PLCB4: variants seen among roughly 807,000 people sequenced by gnomAD.
PLCB4 encodes phospholipase C beta 4, also known as 1-phosphatidylinositol 4,5-bisphosphate phosphodiesterase beta-4.
In PLCB4, 77 loss-of-function variants were observed where a neutral mutation model predicts 178.8. That is an observed-to-expected ratio of 0.43 (90% CI 0.36 to 0.52). The LOEUF (loss-of-function observed/expected upper bound fraction) is 0.52. PLCB4 is among the 20% of genes least tolerant of loss of function. PLCB4 has a pLI of 0.00. For synonymous variants in PLCB4, 496 were observed against 490.8 expected (o/e 1.01, Z -0.14); for missense variants, 1,024 against 1,453.4 (o/e 0.70, Z 4.80).
intron 4 of PLCB4, among the ~76,000 whole-genome samples, chr20:9,328,526 GTGA>G (rs913478252): frequency 9.2e-5 from 14 of 152,322 alleles, no homozygotes; most frequent in African/African-American, 3.1e-4. Flanking sequence ...CTGATCCTTT[GTGA>G]TGATTGCTGG....
At chr20:9,372,230 A>G in intron 10 of PLCB4, 73 bp from the exon 11 acceptor site, 1 of 838,318 alleles carries the variant, frequency 1.2e-6, no homozygotes, top group Non-Finnish European at 2.0e-6. Context: ...ACTGTGCTTC[A>G]TGACCCTGTA....
chr20:9,373,260 G>A (rs2036399179), intron 12 of PLCB4, among the ~76,000 whole-genome samples, 156 bp downstream of exon 12: 1 of 152,186 alleles, frequency 6.6e-6, no homozygotes. Context: ...AAAATCAGCT[G>A]CCGCCCTGTG....
intron 21 of PLCB4, among the ~76,000 whole-genome samples, chr20:9,407,686 T>A (rs2039549022): frequency 6.6e-6 from 1 of 152,230 alleles, no homozygotes; most frequent in Admixed American, 6.5e-5. Flanking sequence ...TCTAAAAATG[T>A]CCTACAAATG....
chr20:9,106,396 G>A (rs2091363915), intron 2 of PLCB4, among the ~76,000 whole-genome samples: 2 of 151,736 alleles, frequency 1.3e-5, no homozygotes, highest in South Asian at 4.2e-4. Flanking sequence ...GGCAAACAGT[G>A]TAGTTTTTTT....
intron 3 of PLCB4, among the ~76,000 whole-genome samples, chr20:9,300,517 C>T (rs62194813): frequency 0.015 from 2,255 of 152,152 alleles, 19 homozygotes; most frequent in Non-Finnish European, 0.025. Context: ...TGTTTGGCTT[C>T]GGGGGAGCTG....
chr20:9,435,521 C>A, intron 28 of PLCB4, 39 bp from the exon 29 acceptor site: 2 of 1,132,826 alleles, frequency 1.8e-6, no homozygotes, highest in Non-Finnish European at 2.7e-6. Context: ...TTCAGTAAAA[C>A]AGAGAATTAA....
At chr20:9,113,889 T>TA (rs2091681627) in intron 2 of PLCB4, among the ~76,000 whole-genome samples, 1 of 152,158 alleles carries the variant, frequency 6.6e-6, no homozygotes, top group Non-Finnish European at 1.5e-5. Flanking sequence ...AGGGAGTGCC[T>TA]AATCAAGCTC....
In PLCB4 at chr20:9,096,357, T is replaced by C. The variant is rs988092656; in HGVS notation, c.-79+15T>C. 2.0e-5 allele frequency: 3 copies of C among 152,180 alleles called. No individual in the cohort carries two copies. Among genetic ancestry groups the C allele is most frequent in the Non-Finnish European group, 2.9e-5 (2 of 68,016 alleles). The allele number at this position is 152,180 out of a possible 1,614,324, so 9.4% of individuals were successfully genotyped here. ...CCCTTAAAAAGGTAGGTGTATGTGCTTTTTAATTTGTGACTAAAAAAATTT... is the reference window on the plus strand; with the variant it reads ...CCCTTAAAAAGGTAGGTGTATGTGCCTTTTAATTTGTGACTAAAAAAATTT... On this transcript the variant is annotated intron_variant, in intron 2 of 39. Coordinates refer to ENST00000378473, the MANE Select transcript of PLCB4 (RefSeq NM_001377142.1).
Position 9,228,835 on chromosome 20 carries a change from G to A in PLCB4, c.-16+11383G>A, listed in dbSNP as rs1428760623. On this transcript the variant is annotated intron_variant, in intron 3 of 39. Transcript: ENST00000378473. ...AGGCCCAGGGCCATCTTCATGGGTA[G>A]AGAAGGTTGACTTCTGGGCCCATGC... Among the ~76,000 whole-genome samples the A allele has an allele frequency of 2.0e-5, 3 of 152,154 alleles. No individual in the cohort carries two copies. The East Asian group carries it at 5.8e-4, about 29-fold the overall frequency.
At chr20:9,219,337 T>C (rs183605432) in intron 3 of PLCB4, among the ~76,000 whole-genome samples, 2 of 152,158 alleles carry the variant, frequency 1.3e-5, no homozygotes, top group East Asian at 1.9e-4. Flanking sequence ...GGCATGGTGG[T>C]GGGCGCCTGT....
chr20:9,228,778 A>G (rs1448068626), intron 3 of PLCB4, among the ~76,000 whole-genome samples: 4 of 152,188 alleles, frequency 2.6e-5, no homozygotes, highest in African/African-American at 9.6e-5. Context: ...TAGACAAACT[A>G]AAGGAGGAAG....
At chr20:9,220,561 A>T (rs2093785736) in intron 3 of PLCB4, among the ~76,000 whole-genome samples, 1 of 152,172 alleles carries the variant, frequency 6.6e-6, no homozygotes, top group Admixed American at 6.5e-5. Context: ...GCTTCAACCC[A>T]GGAGGCGGAG....
intron 2 of PLCB4, among the ~76,000 whole-genome samples, chr20:9,216,997 A>T (rs2093740820): frequency 6.6e-6 from 1 of 152,256 alleles, no homozygotes; most frequent in Non-Finnish European, 1.5e-5. Context: ...TAATTCTGTT[A>T]TAAAAAGAGT....
chr20:9,435,411 C>T (rs1036076880), intron 28 of PLCB4, 149 bp from the exon 29 acceptor site: 8 of 486,120 alleles, frequency 1.6e-5, no homozygotes, highest in African/African-American at 1.6e-4. Flanking sequence ...ACTAGCTGTG[C>T]CTTCCTCAGT....
chr20:9,431,101 G>A (rs966758601), intron 28 of PLCB4, among the ~76,000 whole-genome samples: 1 of 152,196 alleles, frequency 6.6e-6, no homozygotes, highest in Admixed American at 6.5e-5. Context: ...GAGACTAAGT[G>A]GTGGGCAGGG....
At chr20:9,327,493 C>G (rs1186812484) in intron 4 of PLCB4, among the ~76,000 whole-genome samples, 1 of 151,622 alleles carries the variant, frequency 6.6e-6, no homozygotes, top group African/African-American at 2.4e-5. Context: ...AAAATCAATA[C>G]TGGCCGGGCG....
At chr20:9,422,955 A>T (rs1387299534) in intron 27 of PLCB4, among the ~76,000 whole-genome samples, 1 of 152,218 alleles carries the variant, frequency 6.6e-6, no homozygotes, top group East Asian at 1.9e-4. Context: ...ATCAAGCAAG[A>T]TGTCCTGGTT....
intron 2 of PLCB4, among the ~76,000 whole-genome samples, chr20:9,107,540 G>A (rs992316160): frequency 3.3e-5 from 5 of 152,118 alleles, no homozygotes; most frequent in African/African-American, 1.2e-4. Context: ...TTTTGGGGGT[G>A]GGAGGTAGCA....
intron 7 of PLCB4, 94 bp downstream of exon 7, chr20:9,339,131 TG>T (rs2032876224): frequency 2.1e-6 from 2 of 933,224 alleles, no homozygotes; most frequent in African/African-American, 1.7e-5. Flanking sequence ...ATACTTAAAT[TG>T]TATGGTAATT....
Sources: allele counts gnomAD v4.1 joint callset (sites outside exome capture counted in the v4.1 genomes callset), GRCh38; gene constraint gnomAD v4.1.1; transcripts MANE v1.5; gene names NCBI Gene and HGNC (gene_info 2026-07-23, HGNC 2026-07-21).